Variants in EGFLAM observed in about 807,000 individuals in gnomAD.
The protein encoded by EGFLAM is pikachurin.
EGFLAM carries 79 observed loss-of-function variants against 113.1 expected under a neutral mutation model. That is an observed-to-expected ratio of 0.70 (90% confidence interval 0.58 to 0.84). The LOEUF is 0.84. EGFLAM is among the 40% of genes least tolerant of loss of function. EGFLAM has a pLI of 0.00. For missense variants in EGFLAM, 1,265 were observed against 1,291.6 expected (o/e 0.98, Z 0.32); for synonymous variants, 504 against 487.6 (o/e 1.03, Z -0.44).
chr5:38,381,802 G>T (rs939316310), intron 6 of EGFLAM, among the ~76,000 whole-genome samples: 1 of 152,174 alleles, frequency 6.6e-6, no homozygotes, highest in Non-Finnish European at 1.5e-5. Flanking sequence ...AGGGCACAGG[G>T]CAGGGTGGAG....
chr5:38,445,662 A>T, intron 17 of EGFLAM: 1 of 1,598,462 alleles, frequency 6.3e-7, no homozygotes, highest in Non-Finnish European at 8.5e-7. Flanking sequence ...GTTCTCTTTC[A>T]TGCTGGCACC....
intron 17 of EGFLAM, among the ~76,000 whole-genome samples, chr5:38,447,143 C>T (rs114394685): frequency 0.01 from 1,546 of 152,268 alleles, 35 homozygotes; most frequent in African/African-American, 0.035. Context: ...CCTCATCCCC[C>T]GTTCATGACA....
chr5:38,382,578 G>T (rs189291289), intron 6 of EGFLAM, among the ~76,000 whole-genome samples: 12 of 152,256 alleles, frequency 7.9e-5, no homozygotes, highest in African/African-American at 2.9e-4. Context: ...ATCAGCAAGT[G>T]GATGGTATTC....
intron 3 of EGFLAM, among the ~76,000 whole-genome samples, chr5:38,345,135 C>T (rs182418592): frequency 2.0e-5 from 3 of 152,290 alleles, no homozygotes; most frequent in Non-Finnish European, 4.4e-5. Flanking sequence ...CGTATAAAGT[C>T]ATGGTGTGTT....
At chr5:38,397,259 G>A (rs1476823048) in intron 6 of EGFLAM, among the ~76,000 whole-genome samples, 1 of 152,156 alleles carries the variant, frequency 6.6e-6, no homozygotes, top group African/African-American at 2.4e-5. Context: ...GATTTGAAGG[G>A]ACTGGTTCCA....
intron 1 of EGFLAM, among the ~76,000 whole-genome samples, chr5:38,293,958 A>G (rs1038276204): frequency 6.6e-6 from 1 of 152,140 alleles, no homozygotes. Flanking sequence ...AGCACCCTCT[A>G]TATTACTGTT....
At position 38,274,690 on chromosome 5, in the gene EGFLAM, C is replaced by G. The variant is rs1334699399; in HGVS notation, c.97+15839C>G. Among the ~76,000 whole-genome samples, 3 of 152,028 alleles carry G rather than the reference C, an allele frequency of 2.0e-5. No homozygotes were observed. In the East Asian group the frequency reaches 5.8e-4, roughly 29 times the overall value. ...ATTTATCACCACCAGACCTGTCTTA[C>G]AAGAAATGCTAAAGGGAGTTCCTCA... On this transcript the variant is annotated intron_variant, in intron 1 of 21. Transcript: ENST00000322350.
intron 20 of EGFLAM, chr5:38,461,015 ATCT>A (rs1316183629): frequency 6.6e-6 from 1 of 152,234 alleles, no homozygotes; most frequent in Non-Finnish European, 1.5e-5. Flanking sequence ...AGGTTTTATA[ATCT>A]TCATTTTATG....
chr5:38,388,048 C>T (rs1740710723), intron 6 of EGFLAM, among the ~76,000 whole-genome samples: 1 of 152,158 alleles, frequency 6.6e-6, no homozygotes, highest in South Asian at 2.1e-4. Context: ...TCTACCAGAG[C>T]CAGGCTTTTG....
intron 17 of EGFLAM, among the ~76,000 whole-genome samples, chr5:38,445,300 T>G (rs1250194599): frequency 1.3e-5 from 2 of 152,148 alleles, no homozygotes; most frequent in Non-Finnish European, 2.9e-5. Context: ...ATTGACAAGG[T>G]AAGTAACTCT....
intron 6 of EGFLAM, among the ~76,000 whole-genome samples, chr5:38,382,541 A>C (rs563625593): frequency 4.3e-4 from 65 of 152,304 alleles, no homozygotes; most frequent in South Asian, 3.1e-3. Flanking sequence ...ATTAGTTTCT[A>C]GTTGGATAGA....
chr5:38,344,077 G>A (rs901215419), intron 3 of EGFLAM, among the ~76,000 whole-genome samples: 3 of 152,210 alleles, frequency 2.0e-5, no homozygotes, highest in South Asian at 2.1e-4. Context: ...GCAGTAGGAG[G>A]AGAAAGAACA....
At chr5:38,358,185 C>G (rs959931737) in intron 5 of EGFLAM, among the ~76,000 whole-genome samples, 14 of 151,700 alleles carry the variant, frequency 9.2e-5, no homozygotes, top group Non-Finnish European at 1.6e-4. Flanking sequence ...GTGGCTCATG[C>G]CTGTAATCCC....
chr5:38,412,337 C>G, intron 10 of EGFLAM, among the ~76,000 whole-genome samples, 167 bp from the exon 11 acceptor site: 1 of 152,258 alleles, frequency 6.6e-6, no homozygotes, highest in East Asian at 1.9e-4. Context: ...GAAGAGGTGC[C>G]TAGTTCTTCC....
chr5:38,343,860 A>G (rs1430786055), intron 3 of EGFLAM, among the ~76,000 whole-genome samples: 1 of 152,212 alleles, frequency 6.6e-6, no homozygotes, highest in Non-Finnish European at 1.5e-5. Flanking sequence ...TAGAAGAATC[A>G]TAGACTTTCA....
chr5:38,448,995 T>A lies in EGFLAM; in HGVS notation c.2543+616T>A, dbSNP rs145440545. Among the ~76,000 whole-genome samples the A allele has an allele frequency of 7.4e-4, 112 of 152,318 alleles. 3 individuals carry two copies. In the East Asian group the frequency reaches 0.02, roughly 28 times the overall value. On this transcript the variant is annotated intron_variant, in intron 18 of 21. Transcript: ENST00000322350. ...GGCATCTCACCCCTGGTGGCAGAAGTCCCAGCCCTGGCCTGGAGTCCTCGC... is the reference window on the plus strand; with the variant it reads ...GGCATCTCACCCCTGGTGGCAGAAGACCCAGCCCTGGCCTGGAGTCCTCGC...
At chr5:38,365,599 A>G (rs1190426474) in intron 5 of EGFLAM, among the ~76,000 whole-genome samples, 1 of 152,220 alleles carries the variant, frequency 6.6e-6, no homozygotes, top group Non-Finnish European at 1.5e-5. Flanking sequence ...CACTTCAGTG[A>G]GTGGCAAGAT....
intron 1 of EGFLAM, among the ~76,000 whole-genome samples, chr5:38,331,918 G>C (rs1176861341): frequency 6.6e-6 from 1 of 152,196 alleles, no homozygotes; most frequent in Non-Finnish European, 1.5e-5. Flanking sequence ...GTGGACGTAA[G>C]TTTTTGACTC....
intron 1 of EGFLAM, among the ~76,000 whole-genome samples, chr5:38,333,034 T>C (rs1414894751): frequency 6.6e-6 from 1 of 152,230 alleles, no homozygotes; most frequent in Non-Finnish European, 1.5e-5. Flanking sequence ...CTCCCACTTA[T>C]AAGTGAGAAC....
Sources: allele counts gnomAD v4.1 joint callset (sites outside exome capture counted in the v4.1 genomes callset), GRCh38; gene constraint gnomAD v4.1.1; transcripts MANE v1.5; gene names NCBI Gene and HGNC (gene_info 2026-07-23, HGNC 2026-07-21).